FRMD5: variants seen among roughly 807,000 people sequenced by gnomAD.
FRMD5 encodes FERM domain-containing protein 5.
FRMD5 carries 20 observed loss-of-function variants against 69.0 expected under a neutral mutation model. The ratio of observed to expected loss-of-function variants is 0.29; its 90% CI spans 0.20 to 0.42. FRMD5 has a LOEUF of 0.42. Among genes scored for constraint, FRMD5 ranks in the 10% least tolerant of loss-of-function variants. The pLI is 1.00. For synonymous variants in FRMD5, 271 were observed against 260.1 expected (o/e 1.04, Z -0.40); for missense variants, 595 against 708.6 (o/e 0.84, Z 1.82).
chr15:44,023,164 GGTCTACAAGAGAC>G (rs1771337944), intron 1 of FRMD5, among the ~76,000 whole-genome samples: 1 of 152,022 alleles, frequency 6.6e-6, no homozygotes, highest in Non-Finnish European at 1.5e-5. Flanking sequence ...TGAGGTCAGG[GGTCTACAAGAGAC>G]GTTCTTGCCC....
rs950237634 is a variant in FRMD5 at position 44,079,704 on chromosome 15, C to G, written c.102+115249G>C. The stretch of plus-strand genomic sequence containing the variant: ...ATTCACAATAGGCAAATAGTGGAAA[C>G]AATCCAAATGTCCATTGACTGATGG... On this transcript the variant is annotated intron_variant, in intron 1 of 13. Transcript: ENST00000417257. 5.9e-5 allele frequency among the ~76,000 whole-genome samples: 9 copies of G among 152,166 alleles called. No individual in the cohort carries two copies. The East Asian group carries it at 1.7e-3, about 29-fold the overall frequency.
At chr15:43,948,180 T>G (rs1205419935) in intron 1 of FRMD5, among the ~76,000 whole-genome samples, 1 of 152,238 alleles carries the variant, frequency 6.6e-6, no homozygotes, top group Non-Finnish European at 1.5e-5. Context: ...CCCAAGCAGT[T>G]TAATTATAGA....
intron 1 of FRMD5, among the ~76,000 whole-genome samples, chr15:44,095,835 T>C (rs190373253): frequency 1.3e-5 from 2 of 152,276 alleles, no homozygotes; most frequent in East Asian, 3.9e-4. Flanking sequence ...AAGGCATGCC[T>C]GACTGGATAT....
intron 1 of FRMD5, among the ~76,000 whole-genome samples, chr15:43,950,136 C>G (rs1163182355): frequency 1.3e-5 from 2 of 152,192 alleles, no homozygotes; most frequent in East Asian, 3.9e-4. Context: ...TCAGTGGTCT[C>G]AGCCCTCCTA....
At chr15:43,989,083 A>T (rs1889539141) in intron 1 of FRMD5, 4 of 929,214 alleles carry the variant, frequency 4.3e-6, no homozygotes, top group Admixed American at 3.4e-5. Flanking sequence ...GCGGTGGATG[A>T]TGGAGGTGCC....
intron 1 of FRMD5, among the ~76,000 whole-genome samples, chr15:44,102,060 G>C (rs1443602199): frequency 6.6e-6 from 1 of 152,156 alleles, no homozygotes; most frequent in Non-Finnish European, 1.5e-5. Context: ...AGTCCACTTG[G>C]CACCATTATC....
intron 1 of FRMD5, among the ~76,000 whole-genome samples, chr15:44,174,893 G>A (rs1039085765): frequency 1.3e-4 from 20 of 152,002 alleles, no homozygotes; most frequent in African/African-American, 3.4e-4. Context: ...ATCACACACC[G>A]GGGCCTGTTG....
chr15:43,946,060 A>G (rs1003130424), intron 1 of FRMD5, among the ~76,000 whole-genome samples: 1 of 152,096 alleles, frequency 6.6e-6, no homozygotes, highest in African/African-American at 2.4e-5. Flanking sequence ...GTCTCAAAAA[A>G]AAAAAAAAAT....
intron 1 of FRMD5, among the ~76,000 whole-genome samples, chr15:44,080,304 T>C (rs993796289): frequency 1.3e-5 from 2 of 152,044 alleles, no homozygotes; most frequent in Non-Finnish European, 2.9e-5. Flanking sequence ...TCATAAAGGG[T>C]TTGTAGGTAT....
At chr15:43,997,207 T>G (rs529343109) in intron 1 of FRMD5, among the ~76,000 whole-genome samples, 1 of 152,212 alleles carries the variant, frequency 6.6e-6, no homozygotes, top group Non-Finnish European at 1.5e-5. Context: ...GAAGGGTAAC[T>G]CCCAAATTTC....
At chr15:44,144,969 C>T (rs1215028600) in intron 1 of FRMD5, among the ~76,000 whole-genome samples, 2 of 152,170 alleles carry the variant, frequency 1.3e-5, no homozygotes, top group African/African-American at 4.8e-5. Flanking sequence ...TGCCCAGTAT[C>T]ATAGAGTTAC....
At chr15:44,004,095 A>G (rs1890331640) in intron 1 of FRMD5, among the ~76,000 whole-genome samples, 1 of 152,266 alleles carries the variant, frequency 6.6e-6, no homozygotes. Context: ...TTTTTAATCT[A>G]TAATAGCAAT....
chr15:43,940,117 C>A (rs960037646), intron 1 of FRMD5, among the ~76,000 whole-genome samples: 2 of 152,140 alleles, frequency 1.3e-5, no homozygotes, highest in Middle Eastern at 3.2e-3. Flanking sequence ...GCAGAGGTTG[C>A]GGTGAACCCA....
intron 7 of FRMD5, 27 bp from the exon 8 acceptor site, chr15:43,892,096 G>C: frequency 1.3e-6 from 2 of 1,597,798 alleles, no homozygotes; most frequent in South Asian, 1.1e-5. Context: ...CTTCTCATCG[G>C]GTGATGCAGG....
At position 43,882,338 on chromosome 15, in the gene FRMD5, T is replaced by C. The variant is rs1036376822; in HGVS notation, c.1135+1365A>G. Among the ~76,000 whole-genome samples, 4 of 152,148 alleles carry C rather than the reference T, an allele frequency of 2.6e-5. No homozygotes were observed. In the South Asian group the frequency reaches 6.2e-4, roughly 24 times the overall value. Reference sequence around the variant, plus strand: ...AATTTCCTGAGACAGTGGTAAGATATGCAGATAGCAACAGGACAAATTTCT... The same window carrying C: ...AATTTCCTGAGACAGTGGTAAGATACGCAGATAGCAACAGGACAAATTTCT... On this transcript the variant is annotated intron_variant, in intron 13 of 13. Transcript: ENST00000417257.
intron 1 of FRMD5, among the ~76,000 whole-genome samples, chr15:43,973,828 T>C (rs1260099934): frequency 6.6e-6 from 1 of 151,082 alleles, no homozygotes; most frequent in Non-Finnish European, 1.5e-5. Flanking sequence ...CATTGGCTTA[T>C]ATCCAATTTG....
At chr15:43,916,779 ATTTT>A (rs10673261) in intron 4 of FRMD5, among the ~76,000 whole-genome samples, 1 of 139,682 alleles carries the variant, frequency 7.2e-6, no homozygotes, top group Non-Finnish European at 1.6e-5. Context: ...ACAAAATTGT[ATTTT>A]TTTTTTTTTT....
chr15:43,929,589 A>G (rs919347649), intron 1 of FRMD5, among the ~76,000 whole-genome samples: 5 of 152,158 alleles, frequency 3.3e-5, no homozygotes, highest in African/African-American at 1.2e-4. Flanking sequence ...ACGGGCCCTT[A>G]GAGAAGGCAG....
chr15:43,972,705 C>A (rs887834158), intron 1 of FRMD5, among the ~76,000 whole-genome samples: 7 of 152,190 alleles, frequency 4.6e-5, no homozygotes, highest in Non-Finnish European at 1.0e-4. Flanking sequence ...CTAGCCTCCA[C>A]GTGCATGACA....
Sources: allele counts gnomAD v4.1 joint callset (sites outside exome capture counted in the v4.1 genomes callset), GRCh38; gene constraint gnomAD v4.1.1; transcripts MANE v1.5; gene names NCBI Gene and HGNC (gene_info 2026-07-23, HGNC 2026-07-21).